UGT2A2: variants seen among roughly 807,000 people sequenced by gnomAD.
UGT2A2 encodes the protein UDP-glucuronosyltransferase 2A2.
A neutral mutation model predicts 50.7 loss-of-function variants in UGT2A2; 60 were observed. That is an observed-to-expected ratio of 1.18 (90% CI 0.96 to 1.47). UGT2A2 has a LOEUF of 1.47. Among genes scored for constraint, UGT2A2 ranks in the 40% most tolerant of loss-of-function variants. The pLI is 0.00. For missense variants in UGT2A2, 762 were observed against 634.0 expected (o/e 1.20, Z -2.17); for synonymous variants, 242 against 214.6 (o/e 1.13, Z -1.11).
At chr4:69,634,193 C>A (rs1228414231) in intron 1 of UGT2A2, among the ~76,000 whole-genome samples, 3 of 151,874 alleles carry the variant, frequency 2.0e-5, no homozygotes, top group Admixed American at 6.6e-5. Context: ...TGCAGTGAGC[C>A]GAGATCGCGC....
intron 1 of UGT2A2, among the ~76,000 whole-genome samples, chr4:69,607,326 C>G (rs1190581212): frequency 6.6e-6 from 1 of 151,340 alleles, no homozygotes; most frequent in Non-Finnish European, 1.5e-5. Context: ...GGAAATGATT[C>G]CCTATTTAAT....
rs1045176536 is a variant in UGT2A2, at chr4:69,602,992, G to A, written c.743-3598C>T. Among the ~76,000 whole-genome samples, 2 of 134,950 alleles carry A rather than the reference G, an allele frequency of 1.5e-5. 1 individual carries two copies. The highest frequency in any genetic ancestry group is 3.1e-5 in the Non-Finnish European group (2 of 63,846). The allele number at this position is 134,950 out of a possible 152,430, so 88.5% of individuals were successfully genotyped here. On this transcript the variant is annotated intron_variant, in intron 1 of 5. Coordinates refer to ENST00000604629, the MANE Select transcript of UGT2A2 (RefSeq NM_001105677.2). ...CTGAGGCAGAGAATTGCTTGAACCC[G>A]GGAGGAGGAGGTTGCAGTGAGCCAA...
At chr4:69,590,808 C>A (rs1718554419) in intron 5 of UGT2A2, among the ~76,000 whole-genome samples, 1 of 152,046 alleles carries the variant, frequency 6.6e-6, no homozygotes, top group Admixed American at 6.6e-5. Flanking sequence ...TGATGTGGGA[C>A]AAAGACCATG....
intron 5 of UGT2A2, 75 bp from the exon 6 acceptor site, chr4:69,589,726 C>G: frequency 2.0e-6 from 3 of 1,528,246 alleles, no homozygotes; most frequent in Non-Finnish European, 2.6e-6. Flanking sequence ...ATGTGATACA[C>G]TTTTGCTCTA....
Position 69,639,205 on chromosome 4 carries a change from C to A in UGT2A2, c.436G>T (p.Ala146Ser). Residue 146 changes from alanine (A) to serine (S), a missense_variant, in exon 1 of 6, where the codon GCA becomes TCA. Transcript: ENST00000604629. Reference protein sequence around the residue: ...DGVLKNPKLMARLQKGGFDVL... With the variant: ...DGVLKNPKLMSRLQKGGFDVL... ...TCAAAACCACCTTTCTGAAGTCTTG[C>A]CATCAACTTTGGGTTCTTTAGTACA... 6.2e-7 allele frequency: 1 copy of A among 1,613,622 alleles called. No homozygotes were observed. The highest frequency in any genetic ancestry group is 8.5e-7 in the Non-Finnish European group (1 of 1,179,718).
At chr4:69,603,673 A>T (rs11721725) in intron 1 of UGT2A2, 24,784 of 135,258 alleles carry the variant, frequency 0.18, 5,974 homozygotes, top group Non-Finnish European at 0.22. Context: ...CCTTGAAAAA[A>T]AATTAGACGA....
At chr4:69,618,091 G>T (rs1720503840) in intron 1 of UGT2A2, among the ~76,000 whole-genome samples, 2 of 151,690 alleles carry the variant, frequency 1.3e-5, no homozygotes, top group South Asian at 2.1e-4. Context: ...ATAAAAATTA[G>T]ATTACATGTT....
At chr4:69,620,490 A>C (rs896831807) in intron 1 of UGT2A2, among the ~76,000 whole-genome samples, 1 of 152,046 alleles carries the variant, frequency 6.6e-6, no homozygotes, top group African/African-American at 2.4e-5. Flanking sequence ...TGACACAAAC[A>C]AATGAAAAAA....
intron 1 of UGT2A2, among the ~76,000 whole-genome samples, chr4:69,611,684 G>A (rs1259975595): frequency 6.6e-6 from 1 of 152,182 alleles, no homozygotes; most frequent in South Asian, 2.1e-4. Flanking sequence ...ATATAAAATT[G>A]TTCCCTTTAC....
intron 1 of UGT2A2, among the ~76,000 whole-genome samples, chr4:69,632,477 G>C (rs1265371723): frequency 1.3e-5 from 2 of 152,114 alleles, no homozygotes; most frequent in Non-Finnish European, 2.9e-5. Flanking sequence ...TAGGCCAAAA[G>C]AGCATAATCT....
rs369701259 is a variant in UGT2A2, at chr4:69,594,476, C to G, written c.1331+1G>C. On this transcript the variant is annotated splice_donor_variant, in intron 5 of 5. Transcript: ENST00000604629. LOFTEE classifies it high-confidence loss of function. ...AAGTTTTTAGGAGCCTTAGTACTTACGAAGGTTCATTAATGACTGTTCTCA... is the reference window on the plus strand; with the variant it reads ...AAGTTTTTAGGAGCCTTAGTACTTAGGAAGGTTCATTAATGACTGTTCTCA... 68 of 1,613,864 alleles carry G rather than the reference C, an allele frequency of 4.2e-5. No individual in the cohort carries two copies. The highest frequency in any genetic ancestry group is 5.1e-5 in the Non-Finnish European group (60 of 1,179,970).
At chr4:69,617,630 C>T (rs113377701) in intron 1 of UGT2A2, among the ~76,000 whole-genome samples, 4,416 of 151,724 alleles carry the variant, frequency 0.029, 217 homozygotes, top group African/African-American at 0.1. Flanking sequence ...GATATAAATA[C>T]ATTAAAAGTT....
chr4:69,607,186 A>ACTAGT (rs1296142502), intron 1 of UGT2A2, among the ~76,000 whole-genome samples: 2 of 135,398 alleles, frequency 1.5e-5, no homozygotes, highest in African/African-American at 2.9e-5. Flanking sequence ...AGGCTACAGT[A>ACTAGT]ACCAAAACAG....
intron 5 of UGT2A2, among the ~76,000 whole-genome samples, chr4:69,590,597 G>T (rs7672793): frequency 6.6e-6 from 1 of 151,792 alleles, no homozygotes; most frequent in Non-Finnish European, 1.5e-5. Context: ...AGAGAACATG[G>T]TACAACTAGA....
intron 1 of UGT2A2, among the ~76,000 whole-genome samples, chr4:69,625,379 C>T (rs2109944292): frequency 6.6e-6 from 1 of 150,946 alleles, no homozygotes; most frequent in African/African-American, 2.4e-5. Context: ...TTTTTTTCTG[C>T]TGATGCTCCT....
intron 1 of UGT2A2, among the ~76,000 whole-genome samples, chr4:69,604,825 G>A (rs1719507081): frequency 7.3e-6 from 1 of 136,756 alleles, no homozygotes; most frequent in African/African-American, 3.0e-5. Context: ...AGACAAAGAA[G>A]GCCATTACAT....
intron 1 of UGT2A2, among the ~76,000 whole-genome samples, chr4:69,603,938 T>C (rs1719452072): frequency 7.3e-6 from 1 of 136,544 alleles, no homozygotes; most frequent in Non-Finnish European, 1.6e-5. Context: ...AATCTACGTC[T>C]GATTGGTGTA....
chr4:69,601,540 G>A (rs1719296099), intron 1 of UGT2A2, among the ~76,000 whole-genome samples: 1 of 152,098 alleles, frequency 6.6e-6, no homozygotes, highest in African/African-American at 2.4e-5. Flanking sequence ...ACCCCAAGAA[G>A]GAAAACACTT....
intron 1 of UGT2A2, among the ~76,000 whole-genome samples, chr4:69,615,604 T>G (rs558539457): frequency 8.6e-5 from 13 of 151,932 alleles, no homozygotes; most frequent in African/African-American, 2.9e-4. Context: ...AACAGGCAAG[T>G]GAAGAAATGG....
Sources: gnomAD v4.1 joint callset for allele counts (sites outside exome capture counted in the v4.1 genomes callset) on GRCh38, gnomAD v4.1.1 for gene constraint, MANE v1.5 for transcripts, NCBI Gene and HGNC (gene_info 2026-07-23, HGNC 2026-07-21) for gene names.